The following FREM1 variants were observed in gnomAD, a reference collection of about 807,000 sequenced individuals.
The protein encoded by FREM1 is FRAS1 related extracellular matrix 1.
FREM1 carries 220 observed loss-of-function variants against 210.1 expected under a neutral mutation model. That is an observed-to-expected ratio of 1.05 (90% CI 0.94 to 1.17). The LOEUF (loss-of-function observed/expected upper bound fraction) is 1.17. Ranked by LOEUF, FREM1 falls within the 50% of genes most tolerant of loss-of-function variation. The probability of loss-of-function intolerance (pLI) is 0.00; values close to 1 mark genes in which losing one functional copy is unlikely to be tolerated. For synonymous variants in FREM1, 1,189 were observed against 980.2 expected (o/e 1.21, Z -3.98); for missense variants, 3,454 against 2,675.5 (o/e 1.29, Z -6.42).
chr9:14,771,927 A>G (rs1344637463), intron 25 of FREM1, among the ~76,000 whole-genome samples: 1 of 152,050 alleles, frequency 6.6e-6, no homozygotes, highest in African/African-American at 2.4e-5. Context: ...TATTTTTGTT[A>G]AAAATATATA....
In FREM1 at chr9:14,747,180, A is replaced by T. The variant is rs73644845; in HGVS notation, c.6009+84T>A. ...GGGTAAACTATCCCCCCAACCTTGG[A>T]GGCTATTTTGTGAATTAAGTGTGTT... On this transcript the variant is annotated intron_variant, in intron 33 of 36. Transcript: ENST00000380880. The T allele has an allele frequency of 5.6e-4, 875 of 1,573,654 alleles. 4 individuals carry two copies. In the African/African-American group the frequency reaches 0.011, roughly 19 times the overall value.
chr9:14,787,169 T>C (rs763118660), intron 23 of FREM1, among the ~76,000 whole-genome samples: 6 of 152,186 alleles, frequency 3.9e-5, no homozygotes, highest in Non-Finnish European at 8.8e-5. Context: ...TTTAAGGTTG[T>C]GATTAAATCT....
At chr9:14,906,456 T>C (rs1367380095) in intron 1 of FREM1, among the ~76,000 whole-genome samples, 1 of 152,192 alleles carries the variant, frequency 6.6e-6, no homozygotes, top group African/African-American at 2.4e-5. Context: ...AGTATTGCTG[T>C]TGTGTTGTTG....
chr9:14,868,745 T>G lies in FREM1; in HGVS notation c.233A>C (p.Gln78Pro), dbSNP rs564073700. The G allele has an allele frequency of 2.5e-6, 4 of 1,599,884 alleles. No homozygotes were observed. The South Asian group carries it at 4.5e-5, about 18-fold the overall frequency. ...CAGAAAATCGCAGATAGGACCTACC[T>G]GTGGAGTGAGTTTCCCAACCCTCTG... ...ITQRVGKLTP[Q>P]VFDCHFLPNE... is the part of the protein sequence containing the mutation. The change falls in exon 2 of 37, where the codon CAG (glutamine) becomes CCG (proline). Residue 78 changes from glutamine to proline, a missense_variant and splice_region_variant. Physicochemically the swap from Gln to Pro is moderately conservative, Grantham distance 76. Coordinates refer to ENST00000380880, the MANE Select transcript of FREM1 (RefSeq NM_001379081.2).
At chr9:14,780,775 G>A (rs530957461) in intron 24 of FREM1, among the ~76,000 whole-genome samples, 1 of 152,278 alleles carries the variant, frequency 6.6e-6, no homozygotes, top group East Asian at 1.9e-4. Flanking sequence ...TTAACAGCAA[G>A]CAACATAAAT....
At chr9:14,886,116 G>T (rs1835758051) in intron 1 of FREM1, among the ~76,000 whole-genome samples, 1 of 152,114 alleles carries the variant, frequency 6.6e-6, no homozygotes. Context: ...GCTGTGTGCG[G>T]TGGCTCACGC....
chr9:14,904,023 G>C (rs553743117), intron 1 of FREM1, among the ~76,000 whole-genome samples: 1 of 150,458 alleles, frequency 6.6e-6, no homozygotes, highest in East Asian at 2.0e-4. Flanking sequence ...TTGGGAGGCT[G>C]AGGCAGGAGA....
intron 5 of FREM1, among the ~76,000 whole-genome samples, chr9:14,853,294 T>TG (rs1828101138): frequency 6.6e-6 from 1 of 152,192 alleles, no homozygotes; most frequent in African/African-American, 2.4e-5. Context: ...AAGGGCCTAG[T>TG]GGGCAGAGGG....
At chr9:14,820,304 G>C (rs114403346) in intron 13 of FREM1, among the ~76,000 whole-genome samples, 1 of 152,132 alleles carries the variant, frequency 6.6e-6, no homozygotes, top group South Asian at 2.1e-4. Context: ...GTATTGCTAC[G>C]CAGAAGTGAA....
In FREM1 at chr9:14,797,917, G is replaced by T. The variant is rs1383990494; in HGVS notation, c.3695-275C>A. 2.0e-5 allele frequency among the ~76,000 whole-genome samples: 3 copies of T among 152,262 alleles called. No individual in the cohort carries two copies. The South Asian group carries it at 6.2e-4, about 32-fold the overall frequency. On this transcript the variant is annotated intron_variant, in intron 20 of 36. Transcript: ENST00000380880. Reference sequence around the variant, plus strand: ...TTAAATAAACTATATAAACAAAGGTGCAGGGTATTTAAATAAAACTGAGAA... The same window carrying T: ...TTAAATAAACTATATAAACAAAGGTTCAGGGTATTTAAATAAAACTGAGAA...
At chr9:14,758,379 G>C (rs935203414) in intron 28 of FREM1, among the ~76,000 whole-genome samples, 1 of 152,178 alleles carries the variant, frequency 6.6e-6, no homozygotes, top group Non-Finnish European at 1.5e-5. Flanking sequence ...GCTTTCTATG[G>C]AGGACGGGAG....
Position 14,860,742 on chromosome 9 carries a change from T to C in FREM1, c.330-1258A>G, listed in dbSNP as rs1368714315. On this transcript the variant is annotated intron_variant, in intron 3 of 36. Coordinates refer to ENST00000380880, the MANE Select transcript of FREM1 (RefSeq NM_001379081.2). ...ACACATATATACACATATATACACA[T>C]ATATATGCACATATATATGCACATA... Among the ~76,000 whole-genome samples, 835 of 127,620 alleles carry C rather than the reference T, an allele frequency of 6.5e-3. 35 individuals are homozygous for C. The highest frequency in any genetic ancestry group is 0.013 in the East Asian group (54 of 4,126). 83.7% of individuals were successfully genotyped at this position (127,620 alleles called of 152,430 possible).
chr9:14,853,934 C>A (rs1239330959), intron 5 of FREM1, among the ~76,000 whole-genome samples: 2 of 152,166 alleles, frequency 1.3e-5, no homozygotes, highest in Non-Finnish European at 2.9e-5. Context: ...TTATTTTAAA[C>A]ATGTTAATAA....
chr9:14,769,860 T>A lies in FREM1; in HGVS notation c.5068A>T (p.Ile1690Phe). The part of the protein sequence containing the change: ...HLENTTTGEF[I>F]HEKFSQKDLN... Reference sequence around the variant, plus strand: ...TCCTTTTGGCTAAATTTCTCATGGATAAATTCACCTAAAAAAAGAAATAAA... The same window carrying A: ...TCCTTTTGGCTAAATTTCTCATGGAAAAATTCACCTAAAAAAAGAAATAAA... The change falls in exon 27 of 37, where the codon ATC (isoleucine) becomes TTC (phenylalanine). Residue 1690 changes from isoleucine (I) to phenylalanine (F), a missense_variant. Coordinates refer to ENST00000380880, the MANE Select transcript of FREM1 (RefSeq NM_001379081.2). 2 of 1,474,170 alleles carry A rather than the reference T, an allele frequency of 1.4e-6. No individual in the cohort carries two copies. The highest frequency in any genetic ancestry group is 9.3e-7 in the Non-Finnish European group (1 of 1,079,376). 91.3% of individuals were successfully genotyped at this position (1,474,170 alleles called of 1,614,324 possible). A position where few individuals can be genotyped will look rare whatever the true frequency, so the allele number is the denominator to read the frequency against.
intron 1 of FREM1, among the ~76,000 whole-genome samples, chr9:14,886,161 C>T (rs1274169926): frequency 2.0e-5 from 3 of 151,892 alleles, no homozygotes; most frequent in East Asian, 3.9e-4. Flanking sequence ...CCAAGGTGGG[C>T]GGATCACGAG....
chr9:14,766,061 G>C (rs573264824), intron 27 of FREM1, among the ~76,000 whole-genome samples: 7 of 152,058 alleles, frequency 4.6e-5, no homozygotes, highest in Admixed American at 2.6e-4. Flanking sequence ...GTGCAGCCAG[G>C]GGGTGAGGCA....
At position 14,842,507 on chromosome 9, in the gene FREM1, G is replaced by A. The variant is rs758858948; in HGVS notation, c.1547C>T (p.Pro516Leu). 6.2e-7 allele frequency: 1 copy of A among 1,614,016 alleles called. No individual in the cohort carries two copies. The highest frequency in any genetic ancestry group is 8.5e-7 in the Non-Finnish European group (1 of 1,179,900). ...IRHKFPINVL[P>L]KDDSPPFLIT... ...GAGGAACGGGGGACTATCATCTTTG[G>A]GCAAGACGTTGATGGGGAATTTGTG... Residue 516 changes from proline (P) to leucine (L), a missense_variant, in exon 9 of 37, where the codon CCC becomes CTC. Pro to Leu is a moderately conservative substitution (Grantham distance 98). Coordinates refer to ENST00000380880, the MANE Select transcript of FREM1 (RefSeq NM_001379081.2).
intron 25 of FREM1, among the ~76,000 whole-genome samples, chr9:14,772,038 C>A (rs1352106331): frequency 6.6e-6 from 1 of 151,880 alleles, no homozygotes; most frequent in African/African-American, 2.4e-5. Flanking sequence ...TACAACTCCT[C>A]CTCTGTTTAT....
intron 1 of FREM1, among the ~76,000 whole-genome samples, chr9:14,901,372 G>A (rs539741788): frequency 6.6e-6 from 1 of 152,198 alleles, no homozygotes; most frequent in Non-Finnish European, 1.5e-5. Context: ...AATTACTTCT[G>A]TTAATTTTTC....
Sources: gnomAD v4.1 joint callset for allele counts (sites outside exome capture counted in the v4.1 genomes callset) on GRCh38, gnomAD v4.1.1 for gene constraint, MANE v1.5 for transcripts, NCBI Gene and HGNC (gene_info 2026-07-23, HGNC 2026-07-21) for gene names.